Variants in SCIN observed in about 807,000 individuals in gnomAD.
SCIN encodes the protein adseverin.
In SCIN, 91 loss-of-function variants were observed where a neutral mutation model predicts 91.8. The ratio of observed to expected loss-of-function variants is 0.99; its 90% CI spans 0.84 to 1.18. The LOEUF is 1.18. Ranked by LOEUF, SCIN falls within the 50% of genes most tolerant of loss-of-function variation. The pLI is 0.00. For missense variants in SCIN, 1,087 were observed against 863.9 expected, an observed-to-expected ratio of 1.26 and a Z score of -3.24; for synonymous variants, 367 against 312.6, an observed-to-expected ratio of 1.17 and a Z score of -1.84.
chr7:12,593,547 A>C (rs757121010), intron 3 of SCIN, among the ~76,000 whole-genome samples: 1 of 152,208 alleles, frequency 6.6e-6, no homozygotes, highest in African/African-American at 2.4e-5. Context: ...TTTTAAAGAA[A>C]GAACAATAGT....
chr7:12,619,769 T>A (rs849800), intron 4 of SCIN, among the ~76,000 whole-genome samples: 143,574 of 152,086 alleles, frequency 0.94, 67,839 homozygotes, highest in East Asian at 1. Flanking sequence ...GGGACTTGGG[T>A]TTCAGACAGA....
chr7:12,603,550 G>T (rs1265795405), intron 3 of SCIN, among the ~76,000 whole-genome samples: 2 of 152,014 alleles, frequency 1.3e-5, no homozygotes, highest in African/African-American at 2.4e-5. Context: ...CCAGGTCTGG[G>T]TATTATTCAA....
chr7:12,581,522 CTAAT>C (rs1203401464), intron 3 of SCIN, among the ~76,000 whole-genome samples: 1 of 152,146 alleles, frequency 6.6e-6, no homozygotes, highest in African/African-American at 2.4e-5. Flanking sequence ...ATTTTTGTCT[CTAAT>C]TGTGCATGGG....
At chr7:12,618,379 C>G (rs1187051504) in intron 4 of SCIN, among the ~76,000 whole-genome samples, 2 of 152,086 alleles carry the variant, frequency 1.3e-5, no homozygotes, top group Non-Finnish European at 2.9e-5. Flanking sequence ...TTCACTTTGT[C>G]TTTTTATCCA....
intron 3 of SCIN, among the ~76,000 whole-genome samples, chr7:12,594,838 A>G (rs1782805526): frequency 6.6e-6 from 1 of 152,120 alleles, no homozygotes; most frequent in Non-Finnish European, 1.5e-5. Context: ...GGCCAGAGGA[A>G]GCCCTTGGCC....
intron 5 of SCIN, among the ~76,000 whole-genome samples, chr7:12,624,381 C>T (rs1293538383): frequency 1.3e-5 from 2 of 152,146 alleles, no homozygotes; most frequent in East Asian, 3.8e-4. Flanking sequence ...TTTTAATAGT[C>T]TGTAGTCATT....
intron 13 of SCIN, among the ~76,000 whole-genome samples, chr7:12,645,767 A>G (rs545076205): frequency 6.6e-6 from 1 of 152,208 alleles, no homozygotes; most frequent in Non-Finnish European, 1.5e-5. Flanking sequence ...TTCCTTACAC[A>G]GGGTATTTTA....
intron 4 of SCIN, among the ~76,000 whole-genome samples, chr7:12,607,970 AAAGT>A (rs1176798553): frequency 6.6e-6 from 1 of 152,178 alleles, no homozygotes; most frequent in East Asian, 1.9e-4. Flanking sequence ...TCCAATTGTG[AAAGT>A]AATAAGCAAA....
chr7:12,576,257 C>G (rs1009999494), intron 1 of SCIN, among the ~76,000 whole-genome samples: 1 of 152,102 alleles, frequency 6.6e-6, no homozygotes, highest in African/African-American at 2.4e-5. Flanking sequence ...CACCAGAGTC[C>G]TTTCAGATTG....
intron 9 of SCIN, among the ~76,000 whole-genome samples, chr7:12,635,605 C>T (rs1232782447): frequency 2.6e-4 from 17 of 64,770 alleles, no homozygotes; most frequent in African/African-American, 4.3e-4. Flanking sequence ...GTGCAGGACT[C>T]CGTCTCAAAA....
At chr7:12,606,654 C>G (rs919108273) in intron 4 of SCIN, among the ~76,000 whole-genome samples, 13 of 152,046 alleles carry the variant, frequency 8.6e-5, no homozygotes, top group African/African-American at 2.4e-4. Context: ...GTATATAGCT[C>G]TGTATTCATA....
At position 12,656,992 on chromosome 7, in the gene SCIN, A is replaced by C. The variant is rs1006270197; in HGVS notation, c.*4277A>C. ...CATTAGGAAATGACTAAAATCAAAT[A>C]TTTTACTTGGTAATGCCAAGTAAAA... On this transcript the variant is annotated 3_prime_UTR_variant, in exon 16 of 16. Transcript: ENST00000297029. The C allele has an allele frequency of 1.3e-5, 2 of 151,878 alleles. No individual in the cohort carries two copies. Among genetic ancestry groups the C allele is most frequent in the Non-Finnish European group, 2.9e-5 (2 of 67,890 alleles). 9.4% of individuals were successfully genotyped at this position (151,878 alleles called of 1,614,324 possible).
chr7:12,627,396 A>G (rs1382060540), intron 8 of SCIN, among the ~76,000 whole-genome samples: 3 of 152,058 alleles, frequency 2.0e-5, no homozygotes, highest in Non-Finnish European at 4.4e-5. Flanking sequence ...CTCAGCGCTG[A>G]AGTGGCCTTT....
At chr7:12,599,810 G>C (rs775241648) in intron 3 of SCIN, among the ~76,000 whole-genome samples, 5 of 151,974 alleles carry the variant, frequency 3.3e-5, no homozygotes, top group Non-Finnish European at 7.4e-5. Context: ...GGCCATTTAT[G>C]TATCTTCTTC....
chr7:12,625,112 G>A lies in SCIN; in HGVS notation c.862G>A (p.Gly288Arg), dbSNP rs770879170. 16 of 1,607,708 alleles carry A rather than the reference G, an allele frequency of 1.0e-5. No homozygotes were observed. The highest frequency in any genetic ancestry group is 6.7e-5 in the Admixed American group (4 of 59,292). Reference protein sequence around the residue: ...LSEECFILDHGAAKQIFVWKG... With the variant: ...LSEECFILDHRAAKQIFVWKG... ...TGAAGAATGCTTTATTTTGGACCAC[G>A]GGGCTGCCAAACAAATTTTCGTATG... Residue 288 changes from glycine (G) to arginine (R), a missense_variant, in exon 6 of 16, where the codon GGG becomes AGG. Coordinates refer to ENST00000297029, the MANE Select transcript of SCIN (RefSeq NM_001112706.3).
intron 4 of SCIN, among the ~76,000 whole-genome samples, chr7:12,618,993 C>G (rs114936017): frequency 0.015 from 2,208 of 152,094 alleles, 58 homozygotes; most frequent in African/African-American, 0.05. Flanking sequence ...ATTTATGAGA[C>G]ACGGATCTAA....
chr7:12,595,001 T>A (rs1782809874), intron 3 of SCIN, among the ~76,000 whole-genome samples: 1 of 151,922 alleles, frequency 6.6e-6, no homozygotes, highest in Admixed American at 6.6e-5. Flanking sequence ...TTTAGCAGGT[T>A]CGGGAAGGGG....
chr7:12,594,447 A>G (rs911651953), intron 3 of SCIN, among the ~76,000 whole-genome samples: 1 of 152,134 alleles, frequency 6.6e-6, no homozygotes, highest in Non-Finnish European at 1.5e-5. Context: ...ATCTCAGACC[A>G]TTTCTCATTG....
At chr7:12,571,078 G>T (rs1455689421) in intron 1 of SCIN, 93 bp downstream of exon 1, 1 of 1,334,810 alleles carries the variant, frequency 7.5e-7, no homozygotes. Context: ...GAGTAAAGGG[G>T]ACCGCAAACT....
Sources: gnomAD v4.1 joint callset for allele counts (sites outside exome capture counted in the v4.1 genomes callset) on GRCh38, gnomAD v4.1.1 for gene constraint, MANE v1.5 for transcripts, NCBI Gene and HGNC (gene_info 2026-07-23, HGNC 2026-07-21) for gene names.